ZFHX4: variants seen among roughly 807,000 people sequenced by gnomAD.
ZFHX4 encodes zinc finger homeobox 4.
Under a neutral mutation model 267.6 loss-of-function variants are expected in ZFHX4, and 56 were observed. That is an observed-to-expected ratio of 0.21 (90% confidence interval 0.17 to 0.26). The LOEUF (loss-of-function observed/expected upper bound fraction) is 0.26, where lower values mean the gene tolerates loss of function less well. Among genes scored for constraint, ZFHX4 ranks in the 10% least tolerant of loss-of-function variants. ZFHX4 has a pLI of 1.00. For missense variants in ZFHX4, 4,332 were observed against 4,420.0 expected (o/e 0.98, Z 0.56); for synonymous variants, 1,778 against 1,665.6 (o/e 1.07, Z -1.64).
intron 4 of ZFHX4, among the ~76,000 whole-genome samples, chr8:76,778,973 T>C (rs1563517314): frequency 6.6e-6 from 1 of 152,238 alleles, no homozygotes; most frequent in Admixed American, 6.5e-5. Flanking sequence ...GTTTTTGCTT[T>C]GGTTGACCTG....
Position 76,865,365 on chromosome 8 carries a change from G to A in ZFHX4, c.*800G>A, listed in dbSNP as rs1296753960. The A allele has an allele frequency of 1.3e-5, 2 of 152,468 alleles. No homozygotes were observed. The highest frequency in any genetic ancestry group is 6.6e-5 in the Admixed American group (1 of 15,258). 9.4% of individuals were successfully genotyped at this position (152,468 alleles called of 1,614,324 possible). A position where few individuals can be genotyped will look rare whatever the true frequency, so the allele number is the denominator to read the frequency against. On this transcript the variant is annotated 3_prime_UTR_variant, in exon 11 of 11. Coordinates refer to ENST00000651372, the MANE Select transcript of ZFHX4 (RefSeq NM_024721.5). The stretch of plus-strand genomic sequence containing the variant: ...TGAAAGAGGTAATAATTCTAGTTTT[G>A]ATAGACTCTGAGGATTATGTGAACA...
intron 4 of ZFHX4, among the ~76,000 whole-genome samples, chr8:76,830,446 T>G (rs1290249026): frequency 1.3e-5 from 2 of 152,208 alleles, no homozygotes; most frequent in East Asian, 3.9e-4. Context: ...GTCAGATTTG[T>G]TATTACAGAC....
At chr8:76,835,265 A>ATG (rs1812063274) in intron 5 of ZFHX4, among the ~76,000 whole-genome samples, 5 of 83,532 alleles carry the variant, frequency 6.0e-5, no homozygotes, top group East Asian at 5.5e-4. Flanking sequence ...ATATATTCAT[A>ATG]CATATATTTG....
intron 6 of ZFHX4, 99 bp from the exon 7 acceptor site, chr8:76,848,896 T>G (rs905091222): frequency 8.8e-7 from 1 of 1,142,420 alleles, no homozygotes; most frequent in Non-Finnish European, 1.2e-6. Context: ...CTTTTTGTGA[T>G]TCAGTGTGTT....
intron 7 of ZFHX4, 82 bp from the exon 8 acceptor site, chr8:76,849,430 C>T (rs1341137711): frequency 1.2e-5 from 15 of 1,302,234 alleles, no homozygotes; most frequent in South Asian, 8.6e-5. Context: ...AAATATCACA[C>T]GTACCCCCAA....
At chr8:76,761,197 A>T (rs752877487) in intron 3 of ZFHX4, among the ~76,000 whole-genome samples, 1 of 152,208 alleles carries the variant, frequency 6.6e-6, no homozygotes. Context: ...CACAGTTTTG[A>T]TATATGCTAA....
At position 76,707,596 on chromosome 8, in the gene ZFHX4, G is replaced by T. The variant is rs1389170756; in HGVS notation, c.2641G>T (p.Gly881Cys). The T allele has an allele frequency of 1.2e-6, 2 of 1,612,990 alleles. No homozygotes were observed. Among genetic ancestry groups the T allele is most frequent in the East Asian group, 2.2e-5 (1 of 44,852 alleles). ...CCGGCTTGCCAGTGGTCAGCTAATG[G>T]GTGATGACCTGTCCCTCCTTACTGC... ...EIRLASGQLM[G>C]DDLSLLTAGE... Residue 881 changes from glycine (G) to cysteine (C), a missense_variant, in exon 3 of 11, where the codon GGT (glycine) becomes TGT (cysteine). By Grantham distance (159) the Gly-to-Cys change is radical (BLOSUM62 -3). This residue lies in a region of ZFHX4 where 1,195 missense variants were observed against 1,173.6 expected (regional missense o/e 1.02). Coordinates refer to ENST00000651372, the MANE Select transcript of ZFHX4 (RefSeq NM_024721.5).
At position 76,854,687 on chromosome 8, in the gene ZFHX4, A is replaced by T; in HGVS notation, c.7766A>T (p.Asn2589Ile). Residue 2589 changes from asparagine (N) to isoleucine (I), a missense_variant, in exon 10 of 11, where the codon AAT becomes ATT. Asn to Ile is a moderately radical substitution (Grantham distance 149, BLOSUM62 -3). This residue lies in a region of ZFHX4 where 1,648 missense variants were observed against 1,625.0 expected (regional missense o/e 1.01). Transcript: ENST00000651372. ...AAACTAGACGATAAAGAAGATAATA[A>T]TTGCAGTGAAAAAGAAGGAGGGAAT... ...KRKLDDKEDN[N>I]CSEKEGGNSG... is the part of the protein sequence containing the mutation. 6.2e-7 allele frequency: 1 copy of T among 1,613,818 alleles called. No individual in the cohort carries two copies. The highest frequency in any genetic ancestry group is 8.5e-7 in the Non-Finnish European group (1 of 1,179,856).
At chr8:76,811,041 T>G (rs1199129357) in intron 4 of ZFHX4, among the ~76,000 whole-genome samples, 1 of 152,156 alleles carries the variant, frequency 6.6e-6, no homozygotes, top group African/African-American at 2.4e-5. Context: ...AGTATATATC[T>G]AAAGAGCAGT....
At chr8:76,758,257 A>T (rs1044232855) in intron 3 of ZFHX4, among the ~76,000 whole-genome samples, 1 of 152,156 alleles carries the variant, frequency 6.6e-6, no homozygotes, top group African/African-American at 2.4e-5. Context: ...GAAGGGACTC[A>T]AGTAAGACAA....
At chr8:76,807,155 G>A (rs573253981) in intron 4 of ZFHX4, among the ~76,000 whole-genome samples, 1 of 152,046 alleles carries the variant, frequency 6.6e-6, no homozygotes, top group South Asian at 2.1e-4. Flanking sequence ...TAATTTTGTA[G>A]GAGGGGTTTC....
Position 76,807,498 on chromosome 8 carries a change from T to C in ZFHX4, c.3326-25840T>C, listed in dbSNP as rs551101090. Among the ~76,000 whole-genome samples the C allele has an allele frequency of 4.8e-4, 73 of 152,228 alleles. 2 individuals carry two copies. In the South Asian group the frequency reaches 0.015, roughly 32 times the overall value. ...GTAGGGGGTTTCTGTTTGGGATAGC[T>C]TCTTTCTCATACAGACAGCTCTGTA... On this transcript the variant is annotated intron_variant, in intron 4 of 10. Coordinates refer to ENST00000651372, the MANE Select transcript of ZFHX4 (RefSeq NM_024721.5).
At chr8:76,804,628 C>T (rs576644285) in intron 4 of ZFHX4, among the ~76,000 whole-genome samples, 42 of 152,038 alleles carry the variant, frequency 2.8e-4, no homozygotes, top group Non-Finnish European at 4.7e-4. Flanking sequence ...TTTGCCCTGC[C>T]CCTGGAAAAG....
At position 76,864,049 on chromosome 8, in the gene ZFHX4, C is replaced by A. The variant is rs1812957342; in HGVS notation, c.10335C>A (p.Ser3445Arg). ...AGACAGTGCTTCGTGTCCCAGTCAG[C>A]AAATATCAGTGTCTTGCCTGTGATG... ...PQETVLRVPV[S>R]KYQCLACDVA... Residue 3445 changes from serine (S) to arginine (R), a missense_variant, in exon 11 of 11, where the codon AGC (serine) becomes AGA (arginine). Physicochemically the swap from Ser to Arg is moderately radical, Grantham distance 110. Coordinates refer to ENST00000651372, the MANE Select transcript of ZFHX4 (RefSeq NM_024721.5). The A allele has an allele frequency of 3.1e-6, 5 of 1,613,876 alleles. No homozygotes were observed. The highest frequency in any genetic ancestry group is 1.3e-5 in the African/African-American group (1 of 75,048).
At chr8:76,695,544 C>A (rs1187075649) in intron 1 of ZFHX4, among the ~76,000 whole-genome samples, 2 of 152,162 alleles carry the variant, frequency 1.3e-5, no homozygotes, top group Non-Finnish European at 2.9e-5. Context: ...AACCAAGAAG[C>A]TAAACTTTCT....
chr8:76,856,032 G>C lies in ZFHX4; in HGVS notation c.9111G>C (p.Glu3037Asp), dbSNP rs1812713820. The part of the protein sequence containing the change: ...FSKQHISKVR[E>D]TVGSQLDREK... ...AACAGCACATTTCAAAAGTGAGGGA[G>C]ACCGTTGGCAGTCAGCTCGATCGGG... The change falls in exon 10 of 11, where the codon GAG becomes GAC. Residue 3037 changes from glutamate (E) to aspartate (D), a missense_variant. By Grantham distance (45) the Glu-to-Asp change is conservative. Transcript: ENST00000651372. 3 of 1,613,856 alleles carry C rather than the reference G, an allele frequency of 1.9e-6. No homozygotes were observed. The South Asian group carries it at 3.3e-5, about 18-fold the overall frequency.
intron 3 of ZFHX4, among the ~76,000 whole-genome samples, chr8:76,771,896 A>T: frequency 6.6e-6 from 1 of 152,180 alleles, no homozygotes. Context: ...AAAGCATCAA[A>T]GATGACTTCC....
Position 76,863,591 on chromosome 8 carries a change from A to T in ZFHX4, c.9877A>T (p.Met3293Leu). ...GGGATACTTCCCACCTGTCTGTGGC[A>T]TGGAGAGCCTCTTTCCTTATGGCCC... is the stretch of plus-strand genomic sequence containing the variant. ...QGGYFPPVCG[M>L]ESLFPYGPTM... The change falls in exon 11 of 11, where the codon ATG becomes TTG. Residue 3293 changes from methionine (M) to leucine (L), a missense_variant. Met to Leu is a conservative substitution (Grantham distance 15). Transcript: ENST00000651372. 1 of 1,613,756 alleles carries T rather than the reference A, an allele frequency of 6.2e-7. No individual in the cohort carries two copies. Among genetic ancestry groups the T allele is most frequent in the Non-Finnish European group, 8.5e-7 (1 of 1,179,822 alleles).
At chr8:76,782,516 A>G (rs184331450) in intron 4 of ZFHX4, among the ~76,000 whole-genome samples, 4 of 152,070 alleles carry the variant, frequency 2.6e-5, no homozygotes, top group Admixed American at 2.6e-4. Flanking sequence ...ATATGGATTC[A>G]TTTTTTCTTA....
Sources: allele counts gnomAD v4.1 joint callset (sites outside exome capture counted in the v4.1 genomes callset), GRCh38; gene constraint gnomAD v4.1.1; regional missense constraint gnomAD v4.1.1; transcripts MANE v1.5; gene names NCBI Gene and HGNC (gene_info 2026-07-23, HGNC 2026-07-21).